APLP1: variants seen among roughly 807,000 people sequenced by gnomAD.
APLP1 encodes amyloid beta (A4) precursor-like protein 1.
Under a neutral mutation model 84.5 loss-of-function variants are expected in APLP1, and 46 were observed. The ratio of observed to expected loss-of-function variants is 0.54; its 90% CI spans 0.43 to 0.70. The LOEUF (loss-of-function observed/expected upper bound fraction) is 0.70, where lower values mean the gene tolerates loss of function less well. APLP1 is among the 30% of genes least tolerant of loss of function. APLP1 has a pLI of 0.00. For missense variants in APLP1, 826 were observed against 900.2 expected, an observed-to-expected ratio of 0.92 and a Z score of 1.05; for synonymous variants, 376 against 364.0, an observed-to-expected ratio of 1.03 and a Z score of -0.38.
At chr19:35,878,856 G>T in intron 14 of APLP1, 34 bp from the exon 15 acceptor site, 1 of 1,613,524 alleles carries the variant, frequency 6.2e-7, no homozygotes, top group Non-Finnish European at 8.5e-7. Context: ...CCAGTGCCAG[G>T]CTTCTGGGTT....
rs112508048 is a variant in APLP1 at position 35,879,340 on chromosome 19, C to G, written c.1858-3C>G. 1.2e-5 allele frequency: 20 copies of G among 1,613,728 alleles called. No homozygotes were observed. Among genetic ancestry groups the G allele is most frequent in the Non-Finnish European group, 1.6e-5 (19 of 1,179,950 alleles). ...TGTCCTTTCCCTCCCCTGCTCGTTG[C>G]AGGTGGACCCCATGCTGACCCTGGA... is the stretch of plus-strand genomic sequence containing the variant. On this transcript the variant is annotated splice_polypyrimidine_tract_variant and splice_region_variant and intron_variant, in intron 16 of 16. Transcript: ENST00000221891.
chr19:35,877,942 G>C, intron 12 of APLP1, 117 bp downstream of exon 12: 1 of 1,287,930 alleles, frequency 7.8e-7, no homozygotes, highest in Non-Finnish European at 1.1e-6. Flanking sequence ...AGAGGATGAG[G>C]AGGAACGTCT....
chr19:35,874,609 C>G lies in APLP1; in HGVS notation c.1162C>G (p.Arg388Gly). The change falls in exon 9 of 17, where the codon CGC becomes GGC. Residue 388 changes from arginine (R) to glycine (G), a missense_variant. By Grantham distance (125) the Arg-to-Gly change is moderately radical (BLOSUM62 -2). Coordinates refer to ENST00000221891, the MANE Select transcript of APLP1 (RefSeq NM_001024807.3). The surrounding 1 kb of genome is among the most constrained non-coding windows in gnomAD (Gnocchi z 6.4). ...TRVIALINDQ[R>G]RAALEGFLAA... ...CGTCATCGCCCTTATCAACGACCAG[C>G]GCCGGGCTGCCTTGGAGGGCTTCCT... 6.2e-7 allele frequency: 1 copy of G among 1,613,946 alleles called. No individual in the cohort carries two copies. The highest frequency in any genetic ancestry group is 8.5e-7 in the Non-Finnish European group (1 of 1,180,030).
rs1191045454 is a variant in APLP1, at chr19:35,868,937, A to G, written c.147+154A>G. Among the ~76,000 whole-genome samples, 1 of 145,922 alleles carries G rather than the reference A, an allele frequency of 6.9e-6. No individual in the cohort carries two copies. The highest frequency in any genetic ancestry group is 1.5e-5 in the Non-Finnish European group (1 of 66,238). ...ATCACATTTATGAACCCAGGGTTCC[A>G]GGCCCCAGCTCCCCCATCATGCGAC... On this transcript the variant is annotated intron_variant, in intron 1 of 16. Transcript: ENST00000221891. This position sits in a 1 kb window ranked among gnomAD's most constrained non-coding sequence, Gnocchi z 5.2.
intron 4 of APLP1, 43 bp downstream of exon 4, chr19:35,871,392 G>C (rs964140176): frequency 1.4e-5 from 22 of 1,539,946 alleles, no homozygotes; most frequent in Admixed American, 1.9e-5. Context: ...CACAACCCAG[G>C]AACTGGGACC....
At position 35,876,779 on chromosome 19, in the gene APLP1, C is replaced by T. The variant is rs551715292; in HGVS notation, c.1444+163C>T. Among the ~76,000 whole-genome samples the T allele has an allele frequency of 4.6e-5, 7 of 152,330 alleles. No individual in the cohort carries two copies. In the East Asian group the frequency reaches 5.8e-4, roughly 13 times the overall value. On this transcript the variant is annotated intron_variant, in intron 11 of 16. Transcript: ENST00000221891. ...TTTCTTTGTTCATGATTCTGCCATC[C>T]GGTCTGCGCTCAGCAGAGTGGTTCT...
At chr19:35,871,513 A>C in intron 4 of APLP1, 99 bp from the exon 5 acceptor site, 12 of 1,492,394 alleles carry the variant, frequency 8.0e-6, no homozygotes, top group Non-Finnish European at 1.0e-5. Context: ...GCAGGAATCC[A>C]GGCTCCCAGC....
At position 35,879,394 on chromosome 19, in the gene APLP1, C is replaced by T. The variant is rs1974365994; in HGVS notation, c.1909C>T (p.His637Tyr). 2.5e-6 allele frequency: 4 copies of T among 1,613,948 alleles called. No individual in the cohort carries two copies. Among genetic ancestry groups the T allele is most frequent in the Non-Finnish European group, 3.4e-6 (4 of 1,180,026 alleles). Residue 637 changes from histidine (H) to tyrosine (Y), a missense_variant, in exon 17 of 17, where the codon CAC (histidine) becomes TAC (tyrosine). His to Tyr is a moderately conservative substitution (Grantham distance 83). Coordinates refer to ENST00000221891, the MANE Select transcript of APLP1 (RefSeq NM_001024807.3). ...GCAGCAGCTCCGCGAACTGCAGCGG[C>T]ACGGCTATGAGAACCCCACTTACCG... ...EEQQLRELQR[H>Y]GYENPTYRFL...
intron 7 of APLP1, among the ~76,000 whole-genome samples, 167 bp from the exon 8 acceptor site, chr19:35,873,472 C>G (rs1230980528): frequency 6.6e-6 from 1 of 151,902 alleles, no homozygotes; most frequent in Admixed American, 6.6e-5. Context: ...TGGCCTCAAT[C>G]TCCTGACCTT....
intron 14 of APLP1, 110 bp downstream of exon 14, chr19:35,878,764 A>T: frequency 1.3e-6 from 2 of 1,526,546 alleles, no homozygotes; most frequent in Non-Finnish European, 1.8e-6. Context: ...CTGAGGGAAG[A>T]GGGAGCTGAG....
At chr19:35,873,245 C>CTTTTTTTTTTTTTTTTT (rs74172771) in intron 7 of APLP1, among the ~76,000 whole-genome samples, 5 of 125,836 alleles carry the variant, frequency 4.0e-5, no homozygotes, top group African/African-American at 1.5e-4. Flanking sequence ...GCCTTTAAAT[C>CTTTTTTTTTTTTTTTTT]TTTTTTTTTT....
chr19:35,878,400 C>T (rs1041971026), intron 13 of APLP1, 184 bp from the exon 14 acceptor site: 6 of 662,790 alleles, frequency 9.1e-6, no homozygotes, highest in Non-Finnish European at 1.6e-5. Context: ...TTAAAAATTA[C>T]CTGGGTGTGG....
In APLP1 at chr19:35,876,588, C is replaced by T. The variant is rs781152513; in HGVS notation, c.1416C>T (p.His472=). ...QSLGLLDQNP[H]LAQELRPQIQ... Reference sequence around the variant, plus strand: ...TGGGCCTGCTTGACCAGAACCCCCACCTGGCTCAGGAGCTGCGGCCCCAAA... The same window carrying T: ...TGGGCCTGCTTGACCAGAACCCCCATCTGGCTCAGGAGCTGCGGCCCCAAA... The change falls in exon 11 of 17, where the codon CAC becomes CAT. Residue 472 remains histidine, a synonymous_variant. Transcript: ENST00000221891. 9 of 1,613,304 alleles carry T rather than the reference C, an allele frequency of 5.6e-6. No homozygotes were observed. The highest frequency in any genetic ancestry group is 7.6e-6 in the Non-Finnish European group (9 of 1,179,680).
chr19:35,872,065 T>C (rs962061258), intron 6 of APLP1, 29 bp downstream of exon 6: 8 of 1,603,102 alleles, frequency 5.0e-6, no homozygotes, highest in Non-Finnish European at 6.8e-6. Context: ...CCCTGGGGCC[T>C]CTCCACCATA....
intron 2 of APLP1, among the ~76,000 whole-genome samples, chr19:35,870,013 A>C (rs1208634458): frequency 6.6e-6 from 1 of 151,630 alleles, no homozygotes; most frequent in African/African-American, 2.4e-5. Context: ...CCAGAGAGGA[A>C]GTGGAATTTA....
chr19:35,878,144 C>A (rs1388080260), intron 13 of APLP1, 36 bp downstream of exon 13: 2 of 1,601,760 alleles, frequency 1.2e-6, no homozygotes, highest in Non-Finnish European at 1.7e-6. Flanking sequence ...CCTCCAAATC[C>A]CACTGAATCC....
chr19:35,872,499 G>A lies in APLP1; in HGVS notation c.867G>A (p.Arg289=), dbSNP rs1260848400. The A allele has an allele frequency of 6.2e-7, 1 of 1,613,090 alleles. No homozygotes were observed. Among genetic ancestry groups the A allele is most frequent in the African/African-American group, 1.3e-5 (1 of 74,874 alleles). The change falls in exon 7 of 17, where the codon AGG becomes AGA. Residue 289 remains arginine, a synonymous_variant. Transcript: ENST00000221891. The part of the protein sequence containing the change: ...AVVGKVTPTP[R]PTDGVDIYFG... ...GTCTTGCAGTCACTCCCACCCCGAG[G>A]CCCACAGACGGTGTGGATATTTACT... is the stretch of plus-strand genomic sequence containing the variant.
In APLP1 at chr19:35,878,817, G is replaced by T; in HGVS notation, c.1651-73G>T. The T allele has an allele frequency of 1.9e-6, 3 of 1,577,810 alleles. No homozygotes were observed. The Admixed American group carries it at 5.0e-5, about 26-fold the overall frequency. ...CTAGAAAATGAGAGGGCTGGGGGAC[G>T]CTCTCTTGGGCCCTTGGGTAGGAAG... On this transcript the variant is annotated intron_variant, in intron 14 of 16. Transcript: ENST00000221891.
intron 2 of APLP1, chr19:35,870,209 T>G: frequency 1.3e-5 from 3 of 238,908 alleles, no homozygotes; most frequent in Admixed American, 5.3e-5. Context: ...AGGGAGAGTT[T>G]TGGAGAGGCG....
Sources: gnomAD v4.1 joint callset for allele counts (sites outside exome capture counted in the v4.1 genomes callset) on GRCh38, gnomAD v4.1.1 for gene constraint, Gnocchi (gnomAD v3.1) non-coding constraint, MANE v1.5 for transcripts, NCBI Gene and HGNC (gene_info 2026-07-23, HGNC 2026-07-21) for gene names.